DLG2: variants seen among roughly 807,000 people sequenced by gnomAD.
The protein encoded by DLG2 is disks large homolog 2.
DLG2 carries 45 observed loss-of-function variants against 132.5 expected under a neutral mutation model. The ratio of observed to expected loss-of-function variants is 0.34; its 90% CI spans 0.27 to 0.44. DLG2 has a LOEUF of 0.44. Among genes scored for constraint, DLG2 ranks in the 20% least tolerant of loss-of-function variants. The probability of loss-of-function intolerance (pLI) is 1.00; values close to 1 mark genes in which losing one functional copy is unlikely to be tolerated. For synonymous variants in DLG2, 424 were observed against 419.6 expected (o/e 1.01, Z -0.13); for missense variants, 1,045 against 1,196.9 (o/e 0.87, Z 1.87).
chr11:84,763,269 T>C (rs2067905424), intron 6 of DLG2: 1 of 152,240 alleles, frequency 6.6e-6, no homozygotes, highest in Non-Finnish European at 1.5e-5. Context: ...AGTGATGGTT[T>C]CATTTCTTCA....
intron 17 of DLG2, among the ~76,000 whole-genome samples, chr11:83,811,578 A>G (rs561265703): frequency 3.0e-4 from 45 of 152,196 alleles, no homozygotes; most frequent in African/African-American, 1.0e-3. Flanking sequence ...AATTCACGAC[A>G]TTTGCTGTTT....
Position 84,029,414 on chromosome 11 carries a change from T to C in DLG2, c.919+29901A>G, listed in dbSNP as rs546369843. Among the ~76,000 whole-genome samples the C allele has an allele frequency of 2.3e-3, 343 of 152,100 alleles. 3 individuals are homozygous for C. The highest frequency in any genetic ancestry group is 7.7e-3 in the African/African-American group (321 of 41,512). ...TTGTCCTAATGAAATTCACACTCTT[T>C]GCAGAAATGAGAAAAAAAAATCTCA... is the stretch of plus-strand genomic sequence containing the variant. On this transcript the variant is annotated intron_variant, in intron 11 of 27. Coordinates refer to ENST00000376104, the MANE Select transcript of DLG2 (RefSeq NM_001142699.3).
At chr11:83,904,097 G>T (rs554726295) in intron 15 of DLG2, among the ~76,000 whole-genome samples, 2 of 152,244 alleles carry the variant, frequency 1.3e-5, no homozygotes, top group South Asian at 2.1e-4. Flanking sequence ...CTGCAATACT[G>T]CAACAGTTGA....
chr11:83,970,732 C>T (rs1405919232), intron 12 of DLG2, among the ~76,000 whole-genome samples: 1 of 152,134 alleles, frequency 6.6e-6, no homozygotes, highest in Non-Finnish European at 1.5e-5. Context: ...AAGTGACAGG[C>T]ACAATACAGT....
intron 4 of DLG2, among the ~76,000 whole-genome samples, chr11:85,180,607 T>C: frequency 6.6e-6 from 1 of 151,882 alleles, no homozygotes; most frequent in Non-Finnish European, 1.5e-5. Flanking sequence ...CAACCTCAAT[T>C]GTGGCTTCAA....
chr11:84,268,191 A>G (rs532856276), intron 7 of DLG2, among the ~76,000 whole-genome samples: 23 of 152,148 alleles, frequency 1.5e-4, no homozygotes, highest in African/African-American at 5.3e-4. Flanking sequence ...CTGTCTCAAG[A>G]CTTTTCTCCT....
chr11:85,331,796 A>G (rs1268727446), intron 3 of DLG2, among the ~76,000 whole-genome samples: 3 of 151,868 alleles, frequency 2.0e-5, no homozygotes, highest in Non-Finnish European at 2.9e-5. Context: ...ATTTGACACA[A>G]TTTTGTTCTT....
At chr11:83,492,226 G>C (rs964647159) in intron 21 of DLG2, among the ~76,000 whole-genome samples, 1 of 152,016 alleles carries the variant, frequency 6.6e-6, no homozygotes, top group Non-Finnish European at 1.5e-5. Flanking sequence ...TTACTCTGTT[G>C]ATCTTCCCAT....
chr11:84,691,594 C>T (rs565549673), intron 6 of DLG2, among the ~76,000 whole-genome samples: 29 of 151,656 alleles, frequency 1.9e-4, no homozygotes, highest in African/African-American at 6.8e-4. Flanking sequence ...TCATTTTTCT[C>T]ACATAAAATA....
intron 6 of DLG2, among the ~76,000 whole-genome samples, chr11:85,005,918 G>A (rs2058618228): frequency 6.6e-6 from 1 of 152,186 alleles, no homozygotes; most frequent in Non-Finnish European, 1.5e-5. Flanking sequence ...AGTTCATTGA[G>A]AGTTTTTAGC....
At chr11:83,790,636 G>T in intron 17 of DLG2, 5 of 1,251,926 alleles carry the variant, frequency 4.0e-6, no homozygotes, top group Non-Finnish European at 4.7e-6. Context: ...TGCATTGGAG[G>T]TAGCAATGGT....
intron 17 of DLG2, among the ~76,000 whole-genome samples, chr11:83,831,167 C>T (rs907067591): frequency 9.2e-5 from 14 of 152,090 alleles, no homozygotes; most frequent in African/African-American, 3.1e-4. Flanking sequence ...TTTCAGAGAC[C>T]GTACCACCTA....
At chr11:85,357,318 G>A (rs1020094536) in intron 3 of DLG2, among the ~76,000 whole-genome samples, 11 of 146,796 alleles carry the variant, frequency 7.5e-5, no homozygotes, top group East Asian at 4.1e-4. Flanking sequence ...TCAGCCTCCC[G>A]GGTAGCTGGG....
chr11:85,048,678 A>G (rs932768930), intron 6 of DLG2, among the ~76,000 whole-genome samples: 15 of 152,196 alleles, frequency 9.9e-5, no homozygotes, highest in Admixed American at 9.8e-4. Context: ...CTGTAAAAAT[A>G]GAGTCGGGAC....
intron 2 of DLG2, among the ~76,000 whole-genome samples, chr11:85,611,261 C>T (rs1352114107): frequency 6.6e-6 from 1 of 152,208 alleles, no homozygotes; most frequent in African/African-American, 2.4e-5. Context: ...AGGAAAAGAT[C>T]TCACTGTCTG....
chr11:84,434,526 C>G lies in DLG2; in HGVS notation c.519+100044G>C, dbSNP rs1487130567. ...ATCCTGTGACCTTGGGCTAGCTACT[C>G]TTCTCTCTAGGATTCAGGAAAAATA... On this transcript the variant is annotated intron_variant, in intron 7 of 27. Coordinates refer to ENST00000376104, the MANE Select transcript of DLG2 (RefSeq NM_001142699.3). Among the ~76,000 whole-genome samples the G allele has an allele frequency of 2.0e-5, 3 of 152,246 alleles. No homozygotes were observed. The East Asian group carries it at 5.8e-4, about 29-fold the overall frequency.
chr11:84,832,028 C>G (rs1008567368), intron 6 of DLG2, among the ~76,000 whole-genome samples: 26 of 151,670 alleles, frequency 1.7e-4, no homozygotes, highest in African/African-American at 4.6e-4. Flanking sequence ...TAAGCAGTAT[C>G]TGCCATAGGC....
chr11:84,824,580 G>GGTAC (rs923266916), intron 6 of DLG2, among the ~76,000 whole-genome samples: 3 of 151,752 alleles, frequency 2.0e-5, no homozygotes, highest in African/African-American at 7.3e-5. Flanking sequence ...CATCCTGCTG[G>GGTAC]GTACCTTCAC....
intron 3 of DLG2, among the ~76,000 whole-genome samples, chr11:85,489,399 G>A (rs143693830): frequency 1.3e-3 from 199 of 152,100 alleles, no homozygotes; most frequent in African/African-American, 4.6e-3. Flanking sequence ...ACTGCAGCAC[G>A]CAGATTCAGA....
Sources: allele counts gnomAD v4.1 joint callset (sites outside exome capture counted in the v4.1 genomes callset), GRCh38; gene constraint gnomAD v4.1.1; transcripts MANE v1.5; gene names NCBI Gene and HGNC (gene_info 2026-07-23, HGNC 2026-07-21).